MMP13: variants seen among roughly 807,000 people sequenced by gnomAD.
MMP13 encodes collagenase 3.
Under a neutral mutation model 52.1 loss-of-function variants are expected in MMP13, and 45 were observed. The observed-to-expected ratio is 0.86, with a 90% CI of 0.68 to 1.11. The LOEUF (loss-of-function observed/expected upper bound fraction) is 1.11. Ranked by LOEUF, MMP13 falls within the 50% of genes least tolerant of loss-of-function variation. MMP13 has a pLI of 0.00. For synonymous variants in MMP13, 200 were observed against 204.4 expected, an observed-to-expected ratio of 0.98 and a Z score of 0.18; for missense variants, 576 against 583.8, an observed-to-expected ratio of 0.99 and a Z score of 0.14.
intron 9 of MMP13, among the ~76,000 whole-genome samples, 189 bp downstream of exon 9, chr11:102,945,457 C>G (rs566185326): frequency 1.5e-4 from 23 of 152,072 alleles, no homozygotes; most frequent in South Asian, 1.2e-3. Flanking sequence ...AAGTAAAATT[C>G]TTATTTATTC....
At chr11:102,950,302 G>T (rs1860589783) in intron 5 of MMP13, 75 bp from the exon 6 acceptor site, 1 of 1,143,390 alleles carries the variant, frequency 8.7e-7, no homozygotes, top group East Asian at 2.3e-5. Flanking sequence ...ACAACAGGCT[G>T]ATCTGCTGAT....
At chr11:102,946,199 G>A (rs1483096635) in intron 8 of MMP13, among the ~76,000 whole-genome samples, 2 of 152,072 alleles carry the variant, frequency 1.3e-5, no homozygotes, top group Non-Finnish European at 2.9e-5. Flanking sequence ...AAAGTTGTAG[G>A]GGCATATGGT....
rs763075525 is a variant in MMP13, at chr11:102,954,189, C to A, written c.604G>T (p.Asp202Tyr). 1 of 1,613,588 alleles carries A rather than the reference C, an allele frequency of 6.2e-7. No individual in the cohort carries two copies. Among genetic ancestry groups the A allele is most frequent in the Non-Finnish European group, 8.5e-7 (1 of 1,179,712 alleles). Residue 202 changes from aspartate to tyrosine, a missense_variant, in exon 4 of 10, where the codon GAT becomes TAT. Physicochemically the swap from Asp to Tyr is radical, Grantham distance 160. Transcript: ENST00000260302. ...GPNYGGDAHF[D>Y]DDETWTSSSK... ...CTACTTGTCCAGGTTTCATCATCAT[C>A]AAAATGGGCATCTCCTCCATAATTT...
At chr11:102,950,323 A>C in intron 5 of MMP13, 96 bp from the exon 6 acceptor site, 1 of 993,612 alleles carries the variant, frequency 1.0e-6, no homozygotes, top group Non-Finnish European at 1.6e-6. Flanking sequence ...GGACAGTGGG[A>C]GAGGGTTTCT....
chr11:102,943,888 G>T lies in MMP13; in HGVS notation c.*378C>A. On this transcript the variant is annotated 3_prime_UTR_variant, in exon 10 of 10. Coordinates refer to ENST00000260302, the MANE Select transcript of MMP13 (RefSeq NM_002427.4). ...CATACTATTTTATACTTTTTAGTAA[G>T]AATGATTTATTCATTATATGCATGT... is the stretch of plus-strand genomic sequence containing the variant. 5.1e-6 allele frequency: 1 copy of T among 196,456 alleles called. No individual in the cohort carries two copies. The highest frequency in any genetic ancestry group is 1.1e-5 in the Non-Finnish European group (1 of 93,442). 12.2% of individuals were successfully genotyped at this position (196,456 alleles called of 1,614,324 possible).
At chr11:102,954,633 A>C (rs1448527069) in intron 2 of MMP13, 27 bp from the exon 3 acceptor site, 4 of 1,608,388 alleles carry the variant, frequency 2.5e-6, no homozygotes, top group Non-Finnish European at 3.4e-6. Flanking sequence ...GTTTCAATGA[A>C]CTTTTTGGAA....
chr11:102,951,154 A>G (rs901259042), intron 5 of MMP13, among the ~76,000 whole-genome samples: 55 of 150,876 alleles, frequency 3.6e-4, no homozygotes, highest in African/African-American at 8.2e-4. Flanking sequence ...TTGGGGGGGG[A>G]AGTGAAAAGG....
chr11:102,949,201 T>A lies in MMP13; in HGVS notation c.918-43A>T. ...TGGAGTTTTCTGTCACATTTTTAAA[T>A]GCAATATTTCTATCCTGCTAGTCAC... On this transcript the variant is annotated intron_variant, in intron 6 of 9. Transcript: ENST00000260302. The surrounding 1 kb of genome is among the most constrained non-coding windows in gnomAD (Gnocchi z 4.2). 1.2e-6 allele frequency: 2 copies of A among 1,607,854 alleles called. No homozygotes were observed. The highest frequency in any genetic ancestry group is 1.7e-6 in the Non-Finnish European group (2 of 1,178,048).
At chr11:102,950,935 T>A (rs1860601542) in intron 5 of MMP13, among the ~76,000 whole-genome samples, 1 of 152,210 alleles carries the variant, frequency 6.6e-6, no homozygotes, top group Non-Finnish European at 1.5e-5. Context: ...ATCTTCAAGT[T>A]CATGCCCATG....
At chr11:102,947,768 A>G (rs1860536576) in intron 8 of MMP13, 123 bp downstream of exon 8, 5 of 1,133,930 alleles carry the variant, frequency 4.4e-6, no homozygotes. Flanking sequence ...GCTGACATGG[A>G]ATGAAAATGA....
In MMP13 at chr11:102,944,204, A is replaced by T. The variant is rs1291977743; in HGVS notation, c.*62T>A. On this transcript the variant is annotated 3_prime_UTR_variant, in exon 10 of 10. Transcript: ENST00000260302. ...GATAGCTCTTCTTCCCCTACCCCGC[A>T]CTTCTGGAAGTATTACCCCAAATGC... 2 of 1,249,198 alleles carry T rather than the reference A, an allele frequency of 1.6e-6. No homozygotes were observed. Among genetic ancestry groups the T allele is most frequent in the Non-Finnish European group, 2.3e-6 (2 of 851,400 alleles). 77.4% of individuals were successfully genotyped at this position (1,249,198 alleles called of 1,614,324 possible).
chr11:102,947,967 C>A lies in MMP13; in HGVS notation c.1135G>T (p.Val379Phe). The change falls in exon 8 of 10, where the codon GTT becomes TTT. Residue 379 changes from valine (V) to phenylalanine (F), a missense_variant. Val to Phe is a conservative substitution (Grantham distance 50). Transcript: ENST00000260302. ...TGAACAGCTGCACTTATCTTCTTAA[C>A]TTCTTTTGGAAGACCCAGTTCAGAT... is the stretch of plus-strand genomic sequence containing the variant. ...KISELGLPKE[V>F]KKISAAVHFE... The A allele has an allele frequency of 6.2e-7, 1 of 1,613,894 alleles. No individual in the cohort carries two copies. The highest frequency in any genetic ancestry group is 1.1e-5 in the South Asian group (1 of 91,078).
In MMP13 at chr11:102,950,122, A is replaced by G. The variant is rs782210300; in HGVS notation, c.905T>C (p.Ile302Thr). The G allele has an allele frequency of 2.5e-6, 4 of 1,609,256 alleles. No homozygotes were observed. Among genetic ancestry groups the G allele is most frequent in the Non-Finnish European group, 2.6e-6 (3 of 1,175,716 alleles). ...AITSLRGETM[I>T]FKDRFFWRLH... is the part of the protein sequence containing the mutation. ...ATCTCAAGAGTACCTGTCTTTAAAG[A>G]TCATTGTTTCTCCTCGGAGACTGGT... Residue 302 changes from isoleucine (I) to threonine (T), a missense_variant, in exon 6 of 10, where the codon ATC becomes ACC. Ile to Thr is a moderately conservative substitution (Grantham distance 89, BLOSUM62 -1). Transcript: ENST00000260302.
chr11:102,945,753 T>C lies in MMP13; in HGVS notation c.1212-4A>G. On this transcript the variant is annotated splice_polypyrimidine_tract_variant and splice_region_variant and intron_variant, in intron 8 of 9. Transcript: ENST00000260302. ...AATATGGTTAGTATCATCATATCTA[T>C]TTAAAGAAAAAAAACTCCTAAGTCA... 6.7e-7 allele frequency: 1 copy of C among 1,495,576 alleles called. No homozygotes were observed. Among genetic ancestry groups the C allele is most frequent in the Non-Finnish European group, 9.3e-7 (1 of 1,077,094 alleles). The allele number at this position is 1,495,576 out of a possible 1,614,324, so 92.6% of individuals were successfully genotyped here. A position where few individuals can be genotyped will look rare whatever the true frequency, so the allele number is the denominator to read the frequency against.
chr11:102,948,615 AAAAT>A (rs1252854425), intron 7 of MMP13, among the ~76,000 whole-genome samples: 5 of 152,234 alleles, frequency 3.3e-5, no homozygotes, highest in African/African-American at 9.6e-5. Flanking sequence ...CTATACTATG[AAAAT>A]AAATATGTAA....
rs1555016440 is a variant in MMP13 at position 102,944,565 on chromosome 11, AGGTGTG to A, written c.1316-205_1316-200del. 3.3e-5 allele frequency among the ~76,000 whole-genome samples: 5 copies of A among 151,376 alleles called. No individual in the cohort carries two copies. In the South Asian group the frequency reaches 6.3e-4, roughly 19 times the overall value. On this transcript the variant is annotated intron_variant, in intron 9 of 9. Coordinates refer to ENST00000260302, the MANE Select transcript of MMP13 (RefSeq NM_002427.4). ...TTTTTATTTTTTAGTTGTTCTTTTA[AGGTGTG>A]AATCCTCCTACACAGTTTTGCTACT...
rs771022798 is a variant in MMP13, at chr11:102,954,508, G to A, written c.461C>T (p.Thr154Ile). Residue 154 changes from threonine to isoleucine, a missense_variant, in exon 3 of 10, where the codon ACC becomes ATC. Thr to Ile is a moderately conservative substitution (Grantham distance 89). Transcript: ENST00000260302. Reference protein sequence around the residue: ...VWSDVTPLNFTRLHDGIADIM... With the variant: ...VWSDVTPLNFIRLHDGIADIM... Reference sequence around the variant, plus strand: ...GTCAGCAATGCCATCGTGAAGTCTGGTAAAATTCAGAGGAGTTACATCGGA... The same window carrying A: ...GTCAGCAATGCCATCGTGAAGTCTGATAAAATTCAGAGGAGTTACATCGGA... 3 of 1,613,598 alleles carry A rather than the reference G, an allele frequency of 1.9e-6. No homozygotes were observed. The highest frequency in any genetic ancestry group is 1.7e-5 in the Admixed American group (1 of 59,936).
At chr11:102,948,696 CATA>C (rs1555016952) in intron 7 of MMP13, among the ~76,000 whole-genome samples, 1 of 151,980 alleles carries the variant, frequency 6.6e-6, no homozygotes, top group Non-Finnish European at 1.5e-5. Flanking sequence ...AAGAATGATT[CATA>C]ATATTTTTTC....
Position 102,944,286 on chromosome 11 carries a change from T to C in MMP13, c.1396A>G (p.Asn466Asp). ...SNRIVRVMPA[N>D]SILWC ...GACACTTAACACCACAAAATGGAAT[T>C]TGCTGGCATGACGCGAACAATACGG... The change falls in exon 10 of 10, where the codon AAT (asparagine) becomes GAT (aspartate). Residue 466 changes from asparagine to aspartate, a missense_variant. By Grantham distance (23) the Asn-to-Asp change is conservative. Transcript: ENST00000260302. The C allele has an allele frequency of 6.2e-7, 1 of 1,613,206 alleles. No individual in the cohort carries two copies. Among genetic ancestry groups the C allele is most frequent in the Non-Finnish European group, 8.5e-7 (1 of 1,179,366 alleles).
Sources: allele counts gnomAD v4.1 joint callset (sites outside exome capture counted in the v4.1 genomes callset), GRCh38; gene constraint gnomAD v4.1.1; non-coding constraint Gnocchi (gnomAD v3.1); transcripts MANE v1.5; gene names NCBI Gene and HGNC (gene_info 2026-07-23, HGNC 2026-07-21).